LRFN5: variants seen among roughly 807,000 people sequenced by gnomAD.
LRFN5 encodes leucine rich repeat and fibronectin type III domain containing 5, also known as leucine-rich repeat and fibronectin type-III domain-containing protein 5.
Under a neutral mutation model 45.6 loss-of-function variants are expected in LRFN5, and 24 were observed. That is an observed-to-expected ratio of 0.53 (90% CI 0.38 to 0.74). The LOEUF (loss-of-function observed/expected upper bound fraction) is 0.74, where lower values mean the gene tolerates loss of function less well. Ranked by LOEUF, LRFN5 falls within the 30% of genes least tolerant of loss-of-function variation. The probability of loss-of-function intolerance (pLI) is 0.00; values close to 1 mark genes in which losing one functional copy is unlikely to be tolerated. For missense variants in LRFN5, 776 were observed against 861.5 expected (o/e 0.90, Z 1.24); for synonymous variants, 340 against 313.8 (o/e 1.08, Z -0.88).
At chr14:41,613,748 T>C (rs1253856261) in intron 1 of LRFN5, among the ~76,000 whole-genome samples, 1 of 151,964 alleles carries the variant, frequency 6.6e-6, no homozygotes, top group Non-Finnish European at 1.5e-5. Flanking sequence ...AAAAAACTAA[T>C]TCATTCAATA....
chr14:41,681,400 G>T (rs1881875061), intron 1 of LRFN5, among the ~76,000 whole-genome samples: 1 of 152,120 alleles, frequency 6.6e-6, no homozygotes, highest in South Asian at 2.1e-4. Context: ...ATAAAATGTA[G>T]CTCCACTACC....
intron 2 of LRFN5, among the ~76,000 whole-genome samples, chr14:41,808,944 A>T (rs1297756749): frequency 6.6e-6 from 1 of 152,056 alleles, no homozygotes. Context: ...TTGATCAGTT[A>T]TTCATTCTAA....
chr14:41,848,458 G>A (rs1889145591), intron 2 of LRFN5, among the ~76,000 whole-genome samples: 1 of 151,300 alleles, frequency 6.6e-6, no homozygotes, highest in South Asian at 2.1e-4. Flanking sequence ...TTGTACAGCG[G>A]GAGTTATGGC....
At chr14:41,650,915 G>C (rs1880092597) in intron 1 of LRFN5, among the ~76,000 whole-genome samples, 1 of 141,980 alleles carries the variant, frequency 7.0e-6, no homozygotes, top group Non-Finnish European at 1.5e-5. Context: ...GAGGGAGGGA[G>C]GGAGGGAGGG....
At chr14:41,790,206 T>G (rs1382558404) in intron 2 of LRFN5, among the ~76,000 whole-genome samples, 1 of 152,090 alleles carries the variant, frequency 6.6e-6, no homozygotes, top group East Asian at 1.9e-4. Flanking sequence ...AAAGCTAAAT[T>G]TTAAAATGTA....
At chr14:41,671,145 CTATT>C (rs199564818) in intron 1 of LRFN5, among the ~76,000 whole-genome samples, 4,170 of 151,874 alleles carry the variant, frequency 0.027, 85 homozygotes, top group Middle Eastern at 0.07. Context: ...AATAGAATGT[CTATT>C]TGTCTACTTT....
At chr14:41,741,490 C>T (rs1459200425) in intron 1 of LRFN5, among the ~76,000 whole-genome samples, 1 of 151,630 alleles carries the variant, frequency 6.6e-6, no homozygotes, top group African/African-American at 2.4e-5. Context: ...ACTTTATATC[C>T]ACATTCAGAA....
At chr14:41,730,899 TGTATATG>T (rs1356135104) in intron 1 of LRFN5, among the ~76,000 whole-genome samples, 1 of 152,056 alleles carries the variant, frequency 6.6e-6, no homozygotes, top group Non-Finnish European at 1.5e-5. Flanking sequence ...AATTTATGCC[TGTATATG>T]TTAATTGAAT....
At chr14:41,853,583 T>A (rs997968913) in intron 2 of LRFN5, among the ~76,000 whole-genome samples, 27 of 152,168 alleles carry the variant, frequency 1.8e-4, no homozygotes, top group Middle Eastern at 3.4e-3. Context: ...AGGTTTCCAT[T>A]TTGGATATAT....
chr14:41,712,885 A>C lies in LRFN5; in HGVS notation c.-196-53969A>C, dbSNP rs1044572716. Among the ~76,000 whole-genome samples the C allele has an allele frequency of 2.0e-5, 3 of 152,250 alleles. No homozygotes were observed. In the East Asian group the frequency reaches 5.8e-4, roughly 29 times the overall value. On this transcript the variant is annotated intron_variant, in intron 1 of 5. Coordinates refer to ENST00000298119, the MANE Select transcript of LRFN5 (RefSeq NM_152447.5). ...CGATTTAATCTGGTACAATGTATAG[A>C]TATATCACAGCATTACATTTTACTC...
intron 1 of LRFN5, among the ~76,000 whole-genome samples, chr14:41,658,063 CA>C (rs1368014718): frequency 6.6e-6 from 1 of 151,770 alleles, no homozygotes; most frequent in East Asian, 1.9e-4. Flanking sequence ...GGAATGAAAA[CA>C]TTTTTCTTAA....
intron 2 of LRFN5, among the ~76,000 whole-genome samples, chr14:41,772,604 T>A (rs1048558653): frequency 1.3e-5 from 2 of 152,176 alleles, no homozygotes; most frequent in Non-Finnish European, 2.9e-5. Flanking sequence ...AAAAATTCTT[T>A]ATAATGGCTC....
In LRFN5 at chr14:41,734,344, A is replaced by ATT. The variant is rs1555358704; in HGVS notation, c.-196-32508_-196-32507dup. Among the ~76,000 whole-genome samples the ATT allele has an allele frequency of 1.6e-4, 17 of 105,968 alleles. 1 individual carries two copies. In the East Asian group the frequency reaches 4.1e-3, roughly 26 times the overall value. The allele number at this position is 105,968 out of a possible 152,430, so 69.5% of individuals were successfully genotyped here. A position where few individuals can be genotyped will look rare whatever the true frequency, so the allele number is the denominator to read the frequency against. ...TATATATATATATATATATATATAT[A>ATT]TTTAAATTTGCTGTAACTTATTGAT... On this transcript the variant is annotated intron_variant, in intron 1 of 5. Coordinates refer to ENST00000298119, the MANE Select transcript of LRFN5 (RefSeq NM_152447.5).
In LRFN5 at chr14:41,674,288, G is replaced by A. The variant is rs539134984; in HGVS notation, c.-197+65726G>A. Among the ~76,000 whole-genome samples the A allele has an allele frequency of 1.1e-3, 141 of 124,580 alleles. 1 individual carries two copies. The highest frequency in any genetic ancestry group is 4.0e-3 in the African/African-American group (130 of 32,134). The allele number at this position is 124,580 out of a possible 152,430, so 81.7% of individuals were successfully genotyped here. ...CCAGTAGGGGCGGCCGGGCAGAGGC[G>A]TCCCTCACCTCCCGGACGGGGCGGC... On this transcript the variant is annotated intron_variant, in intron 1 of 5. Transcript: ENST00000298119.
In LRFN5 at chr14:41,867,340, A is replaced by G. The variant is rs1365747757; in HGVS notation, c.-20-19266A>G. On this transcript the variant is annotated intron_variant, in intron 2 of 5. Transcript: ENST00000298119. ...TTAAATGTTAGTTGGTGTATTATACATATGCACACATCTGTGTGTGTGTGT... is the reference window on the plus strand; with the variant it reads ...TTAAATGTTAGTTGGTGTATTATACGTATGCACACATCTGTGTGTGTGTGT... Among the ~76,000 whole-genome samples the G allele has an allele frequency of 2.7e-5, 4 of 150,580 alleles. No homozygotes were observed. In the East Asian group the frequency reaches 7.7e-4, roughly 29 times the overall value.
At chr14:41,688,836 C>T (rs1882236045) in intron 1 of LRFN5, among the ~76,000 whole-genome samples, 1 of 150,790 alleles carries the variant, frequency 6.6e-6, no homozygotes. Context: ...CTGTCAGTGA[C>T]CGAGGCAGAA....
At chr14:41,635,804 G>A (rs1304978101) in intron 1 of LRFN5, among the ~76,000 whole-genome samples, 1 of 152,124 alleles carries the variant, frequency 6.6e-6, no homozygotes, top group Non-Finnish European at 1.5e-5. Context: ...ATTTATGTAT[G>A]TTTTTCCTTT....
intron 1 of LRFN5, among the ~76,000 whole-genome samples, chr14:41,669,895 A>G (rs1370144905): frequency 1.3e-5 from 2 of 151,734 alleles, no homozygotes; most frequent in Non-Finnish European, 3.0e-5. Flanking sequence ...AGAGAAATTC[A>G]CTATTTGGAA....
chr14:41,763,053 T>G (rs1463215461), intron 1 of LRFN5, among the ~76,000 whole-genome samples: 1 of 152,200 alleles, frequency 6.6e-6, no homozygotes, highest in Non-Finnish European at 1.5e-5. Context: ...AATATTCTGG[T>G]GTCTTCAAGT....
Sources: allele counts gnomAD v4.1 joint callset (sites outside exome capture counted in the v4.1 genomes callset), GRCh38; gene constraint gnomAD v4.1.1; transcripts MANE v1.5; gene names NCBI Gene and HGNC (gene_info 2026-07-23, HGNC 2026-07-21).